CEP350: variants seen among roughly 807,000 people sequenced by gnomAD.
The protein encoded by CEP350 is centrosome-associated protein 350.
CEP350 carries 126 observed loss-of-function variants against 331.8 expected under a neutral mutation model. The observed-to-expected ratio is 0.38, with a 90% CI of 0.33 to 0.44. The LOEUF (loss-of-function observed/expected upper bound fraction) is 0.44. Ranked by LOEUF, CEP350 falls within the 20% of genes least tolerant of loss-of-function variation. The pLI is 1.00. For missense variants in CEP350, 3,406 were observed against 3,634.6 expected, an observed-to-expected ratio of 0.94 and a Z score of 1.62; for synonymous variants, 1,200 against 1,259.5, an observed-to-expected ratio of 0.95 and a Z score of 1.00.
chr1:180,010,549 C>A (rs1172556009), intron 8 of CEP350, among the ~76,000 whole-genome samples: 4 of 151,222 alleles, frequency 2.6e-5, no homozygotes, highest in Non-Finnish European at 2.9e-5. Context: ...TGAAGTGCTA[C>A]TACATTATTT....
chr1:180,071,877 T>G (rs1041941782), intron 27 of CEP350, among the ~76,000 whole-genome samples: 4 of 152,208 alleles, frequency 2.6e-5, no homozygotes, highest in Admixed American at 2.0e-4. Context: ...CTGTTGTATA[T>G]CTTATTCTTG....
chr1:180,075,339 C>T, intron 28 of CEP350, 118 bp downstream of exon 28: 5 of 1,084,832 alleles, frequency 4.6e-6, no homozygotes, highest in Non-Finnish European at 6.5e-6. Context: ...GTAATCCTAA[C>T]ACTTTGGAAG....
chr1:180,094,949 T>G (rs767503931), intron 34 of CEP350, among the ~76,000 whole-genome samples: 5 of 152,344 alleles, frequency 3.3e-5, no homozygotes, highest in East Asian at 1.9e-4. Context: ...CCTTCCAGAT[T>G]CACTGAACAA....
At chr1:179,977,802 TAA>T (rs1320130800) in intron 1 of CEP350, among the ~76,000 whole-genome samples, 5 of 151,998 alleles carry the variant, frequency 3.3e-5, no homozygotes, top group African/African-American at 1.2e-4. Context: ...TTTAATTTTT[TAA>T]AACTTTTTGA....
intron 22 of CEP350, among the ~76,000 whole-genome samples, chr1:180,049,136 G>A (rs1657324106): frequency 6.6e-6 from 1 of 152,148 alleles, no homozygotes; most frequent in Non-Finnish European, 1.5e-5. Flanking sequence ...TTGGAATGTA[G>A]ACATTAAAAG....
At chr1:180,008,554 G>A (rs951528683) in intron 8 of CEP350, among the ~76,000 whole-genome samples, 2 of 152,150 alleles carry the variant, frequency 1.3e-5, no homozygotes, top group African/African-American at 2.4e-5. Flanking sequence ...CAAGAGAATG[G>A]AGAAAGTTGG....
Position 180,036,967 on chromosome 1 carries a change from G to A in CEP350, c.3988G>A (p.Ala1330Thr). ...FSPAGLHHRM[A>T]AELSYLNAIE... is the part of the protein sequence containing the mutation. ...TCCTGCTGGCCTCCATCATCGTATG[G>A]CAGCAGAACTCAGTTATCTGAACGC... The change falls in exon 17 of 38, where the codon GCA (alanine) becomes ACA (threonine). Residue 1330 changes from alanine (A) to threonine (T), a missense_variant. Physicochemically the swap from Ala to Thr is moderately conservative, Grantham distance 58. Around this residue, in one of 5 missense-constraint regions of CEP350, gnomAD observed 1,857 missense variants for 1,909.2 expected, o/e 0.97. Transcript: ENST00000367607. 1.3e-6 allele frequency: 2 copies of A among 1,591,620 alleles called. No homozygotes were observed. The highest frequency in any genetic ancestry group is 1.7e-6 in the Non-Finnish European group (2 of 1,169,278).
chr1:180,075,711 T>C (rs1384824377), intron 28 of CEP350, among the ~76,000 whole-genome samples: 4 of 152,088 alleles, frequency 2.6e-5, no homozygotes, highest in African/African-American at 9.7e-5. Context: ...TCTTAGCACT[T>C]TGGGAGTCCG....
At chr1:179,963,486 T>C (rs538825750) in intron 1 of CEP350, among the ~76,000 whole-genome samples, 89 of 152,196 alleles carry the variant, frequency 5.8e-4, no homozygotes, top group African/African-American at 2.0e-3. Context: ...TTAATTTTTG[T>C]ATGTGGTGAA....
chr1:179,996,801 TG>T lies in CEP350; in HGVS notation c.647del (p.Gly216GlufsTer4). On this transcript the variant is annotated frameshift_variant, in exon 6 of 38. Coordinates refer to ENST00000367607, the MANE Select transcript of CEP350 (RefSeq NM_014810.5). LOFTEE classifies it high-confidence loss of function. ...CAAAATTCTGAATGTTTGATTAGGA[TG>T]GGAGCTTCTATGAGAACTGAGGAAG... ...ALQNSECLIR[M>X]GASMRTEEEM... is the part of the protein sequence containing the mutation. The T allele has an allele frequency of 6.2e-7, 1 of 1,613,740 alleles. No individual in the cohort carries two copies. Among genetic ancestry groups the T allele is most frequent in the Non-Finnish European group, 8.5e-7 (1 of 1,179,728 alleles).
intron 8 of CEP350, among the ~76,000 whole-genome samples, chr1:180,009,898 T>G (rs920445583): frequency 6.6e-6 from 1 of 152,146 alleles, no homozygotes; most frequent in African/African-American, 2.4e-5. Flanking sequence ...CCGTTTAAAC[T>G]TATAAATTAT....
intron 30 of CEP350, among the ~76,000 whole-genome samples, chr1:180,082,341 G>C (rs551767085): frequency 3.1e-4 from 47 of 152,314 alleles, no homozygotes; most frequent in African/African-American, 1.1e-3. Context: ...TAATGTAGTA[G>C]AGTTATAATA....
rs34405391 is a variant in CEP350 at position 180,096,402 on chromosome 1, C to CAA, written c.9066+232_9066+233dup. 2.4e-3 allele frequency among the ~76,000 whole-genome samples: 336 copies of CAA among 138,446 alleles called. 1 individual carries two copies. The South Asian group carries it at 0.025, about 10-fold the overall frequency. The allele number at this position is 138,446 out of a possible 152,430, so 90.8% of individuals were successfully genotyped here. ...AAAGGGCTGAATCCTCAAGTTTGTG[C>CAA]AAAAAAAAAAAAAAATTCTTTTACC... is the stretch of plus-strand genomic sequence containing the variant. On this transcript the variant is annotated intron_variant, in intron 36 of 37. Transcript: ENST00000367607.
chr1:179,969,438 C>G, intron 1 of CEP350: 1 of 497,888 alleles, frequency 2.0e-6, no homozygotes, highest in Non-Finnish European at 4.0e-6. Context: ...GACTGGAGTG[C>G]TCAGAAGACT....
At chr1:180,017,120 T>C (rs1655028937) in intron 11 of CEP350, among the ~76,000 whole-genome samples, 1 of 152,222 alleles carries the variant, frequency 6.6e-6, no homozygotes, top group Admixed American at 6.5e-5. Flanking sequence ...GGTACTGTTG[T>C]TATTCCTGTT....
intron 14 of CEP350, among the ~76,000 whole-genome samples, chr1:180,029,355 A>G (rs1340356558): frequency 6.6e-6 from 1 of 152,236 alleles, no homozygotes; most frequent in Non-Finnish European, 1.5e-5. Context: ...ATATTAAGTG[A>G]ATAAAGCGTT....
At chr1:180,084,951 T>C (rs955541530) in intron 31 of CEP350, among the ~76,000 whole-genome samples, 6 of 152,114 alleles carry the variant, frequency 3.9e-5, no homozygotes, top group Non-Finnish European at 7.4e-5. Context: ...GAAAGAAAGA[T>C]TGGTGTCTAT....
chr1:179,981,150 A>G (rs950978900), intron 1 of CEP350, among the ~76,000 whole-genome samples: 1 of 152,186 alleles, frequency 6.6e-6, no homozygotes, highest in African/African-American at 2.4e-5. Flanking sequence ...AGTTATTTAG[A>G]AGTTAAATAT....
intron 3 of CEP350, among the ~76,000 whole-genome samples, chr1:179,990,164 C>T (rs1463749168): frequency 5.3e-5 from 8 of 151,390 alleles, no homozygotes; most frequent in Non-Finnish European, 8.8e-5. Context: ...CCAGCCTGCG[C>T]GACAGACCGA....
Sources: allele counts gnomAD v4.1 joint callset (sites outside exome capture counted in the v4.1 genomes callset), GRCh38; gene constraint gnomAD v4.1.1; regional missense constraint gnomAD v4.1.1; transcripts MANE v1.5; gene names NCBI Gene and HGNC (gene_info 2026-07-23, HGNC 2026-07-21).